The following MINDY3 variants were observed in gnomAD, a reference collection of about 807,000 sequenced individuals.
The protein encoded by MINDY3 is ubiquitin carboxyl-terminal hydrolase MINDY-3.
A neutral mutation model predicts 69.2 loss-of-function variants in MINDY3; 38 were observed. The observed-to-expected ratio is 0.55, with a 90% CI of 0.42 to 0.72. The LOEUF is 0.72. MINDY3 is among the 30% of genes least tolerant of loss of function. The pLI, the probability that MINDY3 is intolerant of heterozygous loss-of-function variation, is 0.00. For missense variants in MINDY3, 522 were observed against 519.0 expected (o/e 1.01, Z -0.06); for synonymous variants, 192 against 180.1 (o/e 1.07, Z -0.53).
intron 1 of MINDY3, among the ~76,000 whole-genome samples, chr10:15,849,925 C>A (rs1389878456): frequency 6.6e-6 from 1 of 152,192 alleles, no homozygotes; most frequent in Non-Finnish European, 1.5e-5. Context: ...ATTTACTTAA[C>A]CCTCACTAAT....
intron 10 of MINDY3, among the ~76,000 whole-genome samples, chr10:15,814,471 T>G (rs539417693): frequency 3.3e-5 from 5 of 151,634 alleles, no homozygotes; most frequent in Non-Finnish European, 4.4e-5. Flanking sequence ...CCCCCACCCC[T>G]AGTGTGCCAG....
chr10:15,847,022 C>G (rs565096619), intron 2 of MINDY3, among the ~76,000 whole-genome samples: 1 of 152,268 alleles, frequency 6.6e-6, no homozygotes, highest in African/African-American at 2.4e-5. Flanking sequence ...CGTGCCTGGC[C>G]AGAATGCATT....
At chr10:15,786,767 T>C (rs1420622423) in intron 12 of MINDY3, 119 bp from the exon 13 acceptor site, 1 of 669,130 alleles carries the variant, frequency 1.5e-6, no homozygotes, top group East Asian at 2.7e-5. Flanking sequence ...TAAGAGCTGT[T>C]CTTTTTAGAA....
intron 10 of MINDY3, among the ~76,000 whole-genome samples, chr10:15,799,535 G>A (rs1358810929): frequency 6.6e-6 from 1 of 152,066 alleles, no homozygotes; most frequent in Non-Finnish European, 1.5e-5. Context: ...TTGATATATG[G>A]GGGGAGTAAA....
chr10:15,837,461 C>G (rs1032320245), intron 5 of MINDY3, 143 bp from the exon 6 acceptor site: 1 of 1,304,036 alleles, frequency 7.7e-7, no homozygotes, highest in African/African-American at 1.5e-5. Context: ...TTTTTCATTA[C>G]AAATTTAGCC....
intron 8 of MINDY3, among the ~76,000 whole-genome samples, chr10:15,829,519 A>T (rs1166750685): frequency 3.9e-5 from 6 of 152,224 alleles, no homozygotes; most frequent in Non-Finnish European, 5.9e-5. Context: ...GGAGACTAGT[A>T]AAAGATTATA....
intron 4 of MINDY3, among the ~76,000 whole-genome samples, chr10:15,840,834 A>G (rs1050492430): frequency 6.6e-6 from 1 of 151,668 alleles, no homozygotes; most frequent in Non-Finnish European, 1.5e-5. Context: ...CACAGAATAT[A>G]TAATTTTTAT....
chr10:15,834,566 T>C lies in MINDY3; in HGVS notation c.627A>G (p.Ile209Met). Reference sequence around the variant, plus strand: ...ACCTGCCATGTCCATATACAGGATCTATCAAGGGTTCACTTGCATCTTCAA... The same window carrying C: ...ACCTGCCATGTCCATATACAGGATCCATCAAGGGTTCACTTGCATCTTCAA... ...NEIEDASEPLIDPVYGHGSQS... is the reference protein window; with the variant it reads ...NEIEDASEPLMDPVYGHGSQS... The change falls in exon 7 of 15, where the codon ATA becomes ATG. Residue 209 changes from isoleucine to methionine, a missense_variant. Physicochemically the swap from Ile to Met is conservative, Grantham distance 10. Coordinates refer to ENST00000277632, the MANE Select transcript of MINDY3 (RefSeq NM_024948.4). 1 of 1,611,842 alleles carries C rather than the reference T, an allele frequency of 6.2e-7. No individual in the cohort carries two copies. The highest frequency in any genetic ancestry group is 8.5e-7 in the Non-Finnish European group (1 of 1,178,486).
chr10:15,780,166 C>T (rs1003868654), intron 14 of MINDY3, among the ~76,000 whole-genome samples: 2 of 152,082 alleles, frequency 1.3e-5, no homozygotes, highest in African/African-American at 4.8e-5. Context: ...AAAGAAACAA[C>T]TTTATTATCC....
chr10:15,784,858 G>T (rs542025505), intron 13 of MINDY3, among the ~76,000 whole-genome samples: 2 of 152,282 alleles, frequency 1.3e-5, no homozygotes, highest in South Asian at 4.1e-4. Flanking sequence ...GGGGAAAGGG[G>T]ACATCAGTGG....
chr10:15,830,849 G>C (rs1053418183), intron 8 of MINDY3, among the ~76,000 whole-genome samples: 3 of 152,168 alleles, frequency 2.0e-5, no homozygotes, highest in East Asian at 1.9e-4. Context: ...TTCTGCTGGT[G>C]AAAGGATGGA....
In MINDY3 at chr10:15,778,708, T is replaced by C; in HGVS notation, c.*284A>G. 7.4e-6 allele frequency: 2 copies of C among 268,618 alleles called. No homozygotes were observed. The highest frequency in any genetic ancestry group is 7.5e-5 in the East Asian group (1 of 13,372). The allele number at this position is 268,618 out of a possible 1,614,324, so 16.6% of individuals were successfully genotyped here. On this transcript the variant is annotated 3_prime_UTR_variant, in exon 15 of 15. Coordinates refer to ENST00000277632, the MANE Select transcript of MINDY3 (RefSeq NM_024948.4). Reference sequence around the variant, plus strand: ...AATGCTGTAGTATTGCGTTTGTAATTTGGTAAGTAAATGACCAAGTATCTG... The same window carrying C: ...AATGCTGTAGTATTGCGTTTGTAATCTGGTAAGTAAATGACCAAGTATCTG...
At chr10:15,804,007 G>C (rs1173170319) in intron 10 of MINDY3, among the ~76,000 whole-genome samples, 1 of 152,086 alleles carries the variant, frequency 6.6e-6, no homozygotes, top group South Asian at 2.1e-4. Flanking sequence ...CTACACATGA[G>C]ACTCAACGAT....
intron 9 of MINDY3, among the ~76,000 whole-genome samples, chr10:15,821,424 C>A (rs935859587): frequency 6.6e-6 from 1 of 152,028 alleles, no homozygotes; most frequent in Non-Finnish European, 1.5e-5. Context: ...CTGGGTTCTG[C>A]CCCTCCTCCG....
chr10:15,799,430 C>G (rs1055288326), intron 10 of MINDY3, among the ~76,000 whole-genome samples: 10 of 152,178 alleles, frequency 6.6e-5, no homozygotes, highest in African/African-American at 2.4e-4. Context: ...AACTCCTGAC[C>G]TCATGATCCA....
chr10:15,817,483 G>A (rs986917995), intron 9 of MINDY3: 1 of 152,174 alleles, frequency 6.6e-6, no homozygotes, highest in South Asian at 2.1e-4. Flanking sequence ...TCTTTAAAAT[G>A]TATAAAAAGC....
intron 9 of MINDY3, among the ~76,000 whole-genome samples, chr10:15,818,288 A>G (rs1480085586): frequency 6.6e-6 from 1 of 152,092 alleles, no homozygotes; most frequent in Non-Finnish European, 1.5e-5. Flanking sequence ...TTCTTTCAGA[A>G]AAAGTGTGTA....
chr10:15,829,304 C>A (rs1452421932), intron 8 of MINDY3, among the ~76,000 whole-genome samples: 1 of 152,126 alleles, frequency 6.6e-6, no homozygotes, highest in East Asian at 1.9e-4. Flanking sequence ...GAGGCAGAGC[C>A]GTCTGAATAG....
chr10:15,816,495 TA>T (rs1239247722), intron 10 of MINDY3, among the ~76,000 whole-genome samples: 1 of 152,002 alleles, frequency 6.6e-6, no homozygotes, highest in East Asian at 1.9e-4. Flanking sequence ...TCATCTAAGT[TA>T]AATAAATCTT....
Sources: allele counts gnomAD v4.1 joint callset (sites outside exome capture counted in the v4.1 genomes callset), GRCh38; gene constraint gnomAD v4.1.1; transcripts MANE v1.5; gene names NCBI Gene and HGNC (gene_info 2026-07-23, HGNC 2026-07-21).